ITPR3: variants seen among roughly 807,000 people sequenced by gnomAD.
ITPR3 encodes the protein inositol 1,4,5-trisphosphate-gated calcium channel ITPR3.
In ITPR3, 173 loss-of-function variants were observed where a neutral mutation model predicts 293.2. The ratio of observed to expected loss-of-function variants is 0.59; its 90% confidence interval spans 0.52 to 0.67. The LOEUF (loss-of-function observed/expected upper bound fraction) is 0.67, where lower values mean the gene tolerates loss of function less well. ITPR3 is among the 30% of genes least tolerant of loss of function. The probability of loss-of-function intolerance (pLI) is 0.00; values close to 1 mark genes in which losing one functional copy is unlikely to be tolerated. For missense variants in ITPR3, 2,796 were observed against 3,592.1 expected (o/e 0.78, Z 5.66); for synonymous variants, 1,295 against 1,444.4 (o/e 0.90, Z 2.35).
intron 1 of ITPR3, among the ~76,000 whole-genome samples, chr6:33,622,250 C>T (rs1481618083): frequency 1.3e-5 from 2 of 152,184 alleles, no homozygotes; most frequent in Admixed American, 1.3e-4. Flanking sequence ...GCCAGCTGCC[C>T]CTTCTCCCCG....
chr6:33,621,354 CGCGGGCCGG>C lies in ITPR3; in HGVS notation c.-243_-235del, dbSNP rs2151270911. On this transcript the variant is annotated 5_prime_UTR_variant, in exon 1 of 58. Transcript: ENST00000605930. This position sits in a 1 kb window ranked among gnomAD's most constrained non-coding sequence, Gnocchi z 7.7. ...CTGCTCCTTCTACGCTGCAGGTACG[CGCGGGCCGG>C]GCGGGGCGGGCGGGCGGCGGGCGCG... 4.5e-6 allele frequency: 1 copy of C among 221,312 alleles called. No homozygotes were observed. The highest frequency in any genetic ancestry group is 8.6e-6 in the Non-Finnish European group (1 of 116,612). The allele number at this position is 221,312 out of a possible 1,614,324, so 13.7% of individuals were successfully genotyped here. A position where few individuals can be genotyped will look rare whatever the true frequency, so the allele number is the denominator to read the frequency against.
At position 33,655,942 on chromosome 6, in the gene ITPR3, C is replaced by T; in HGVS notation, c.282+55C>T. The T allele has an allele frequency of 6.2e-7, 1 of 1,608,022 alleles. No individual in the cohort carries two copies. Among genetic ancestry groups the T allele is most frequent in the Non-Finnish European group, 8.5e-7 (1 of 1,176,156 alleles). ...TGCACATGTACCAGGAACCTGGGTA[C>T]ACAAGCAGCGGTGCTGCTTGTCGGA... On this transcript the variant is annotated intron_variant, in intron 3 of 57. Transcript: ENST00000605930. This position sits in a 1 kb window ranked among gnomAD's most constrained non-coding sequence, Gnocchi z 4.9.
rs1342342467 is a variant in ITPR3 at position 33,687,538 on chromosome 6, G to C, written c.6238G>C (p.Glu2080Gln). 1.2e-6 allele frequency: 2 copies of C among 1,612,062 alleles called. No individual in the cohort carries two copies. The highest frequency in any genetic ancestry group is 1.7e-6 in the Non-Finnish European group (2 of 1,179,268). ...LLKPVKRIQE[E>Q]EAEGISSMLS... ...GAAGCCGGTGAAGCGCATTCAAGAG[G>C]AGGAGGCCGAGGGTATCTCTTCCAT... Residue 2080 changes from glutamate to glutamine, a missense_variant, in exon 46 of 58, where the codon GAG (glutamate) becomes CAG (glutamine). Glu to Gln is a conservative substitution (Grantham distance 29, BLOSUM62 2). Transcript: ENST00000605930. The surrounding 1 kb of genome is among the most constrained non-coding windows in gnomAD (Gnocchi z 5.3).
rs1482448203 is a variant in ITPR3 at position 33,638,031 on chromosome 6, A to C, written c.90-2453A>C. On this transcript the variant is annotated intron_variant, in intron 1 of 57. Coordinates refer to ENST00000605930, the MANE Select transcript of ITPR3 (RefSeq NM_002224.4). The surrounding 1 kb of genome is among the most constrained non-coding windows in gnomAD (Gnocchi z 4.3). ...TTTTGTTTTGTTTTTGTTGAGATGA[A>C]GTCTTGCTCTTTCGCCCAGGCTGAA... Among the ~76,000 whole-genome samples, 1 of 149,688 alleles carries C rather than the reference A, an allele frequency of 6.7e-6. No homozygotes were observed. The highest frequency in any genetic ancestry group is 1.5e-5 in the Non-Finnish European group (1 of 67,522).
Position 33,659,498 on chromosome 6 carries a change from G to C in ITPR3, c.660G>C (p.Lys220Asn). The part of the protein sequence containing the change: ...VNSVNCNTSW[K>N]INLFMQFRDH... ...CTGTGAACTGCAACACCAGCTGGAA[G>C]ATCAACCTGTTTATGCAGTTTCGGG... The change falls in exon 7 of 58, where the codon AAG (lysine) becomes AAC (asparagine). Residue 220 changes from lysine (K) to asparagine (N), a missense_variant. Transcript: ENST00000605930. The C allele has an allele frequency of 6.2e-7, 1 of 1,614,158 alleles. No homozygotes were observed. Among genetic ancestry groups the C allele is most frequent in the Non-Finnish European group, 8.5e-7 (1 of 1,180,000 alleles).
In ITPR3 at chr6:33,682,145, G is replaced by C. The variant is rs1452526418; in HGVS notation, c.4477-379G>C. 6.6e-6 allele frequency among the ~76,000 whole-genome samples: 1 copy of C among 152,218 alleles called. No individual in the cohort carries two copies. The highest frequency in any genetic ancestry group is 1.5e-5 in the Non-Finnish European group (1 of 68,044). ...CATCCACCCACCTTGGCCTCCCAAA[G>C]TGCTGACATTACACGTGTGAGCCAC... On this transcript the variant is annotated intron_variant, in intron 33 of 57. Transcript: ENST00000605930. This position sits in a 1 kb window ranked among gnomAD's most constrained non-coding sequence, Gnocchi z 5.4.
Position 33,691,151 on chromosome 6 carries a change from G to A in ITPR3, c.7225+42G>A. 1 of 1,594,656 alleles carries A rather than the reference G, an allele frequency of 6.3e-7. No individual in the cohort carries two copies. Among genetic ancestry groups the A allele is most frequent in the Non-Finnish European group, 8.6e-7 (1 of 1,164,006 alleles). ...CTCCTGGGCAGGTTGTGGGGAATGA[G>A]GTTGGGTCTCACAAATGTCTGGCGT... is the stretch of plus-strand genomic sequence containing the variant. On this transcript the variant is annotated intron_variant, in intron 52 of 57. Transcript: ENST00000605930. This position sits in a 1 kb window ranked among gnomAD's most constrained non-coding sequence, Gnocchi z 4.9.
In ITPR3 at chr6:33,682,481, T is replaced by C; in HGVS notation, c.4477-43T>C. On this transcript the variant is annotated intron_variant, in intron 33 of 57. Transcript: ENST00000605930. The surrounding 1 kb of genome is among the most constrained non-coding windows in gnomAD (Gnocchi z 5.4). ...TTCCTGGACCTGGGGTTGCCCAGGGTGGGGGCCTGGGCTGCAGCAGCGGGC... is the reference window on the plus strand; with the variant it reads ...TTCCTGGACCTGGGGTTGCCCAGGGCGGGGGCCTGGGCTGCAGCAGCGGGC... 1 of 1,476,140 alleles carries C rather than the reference T, an allele frequency of 6.8e-7. No individual in the cohort carries two copies. The highest frequency in any genetic ancestry group is 9.0e-7 in the Non-Finnish European group (1 of 1,113,296). 91.4% of individuals were successfully genotyped at this position (1,476,140 alleles called of 1,614,324 possible).
At chr6:33,651,276 CAAAAAAAAAAAAAAAAAA>C (rs11284603) in intron 2 of ITPR3, among the ~76,000 whole-genome samples, 1 of 103,176 alleles carries the variant, frequency 9.7e-6, no homozygotes, top group African/African-American at 4.0e-5. Flanking sequence ...GACTCCGTCT[CAAAAAAAAAAAAAAAAAA>C]AGAAAAGTCT....
chr6:33,630,353 T>C (rs1205283271), intron 1 of ITPR3, among the ~76,000 whole-genome samples: 1 of 152,224 alleles, frequency 6.6e-6, no homozygotes, highest in East Asian at 1.9e-4. Flanking sequence ...TCTGCCCTGC[T>C]GAGGGTCCTA....
In ITPR3 at chr6:33,675,814, G is replaced by C; in HGVS notation, c.3240G>C (p.Lys1080Asn). The C allele has an allele frequency of 1.9e-6, 3 of 1,597,016 alleles. No homozygotes were observed. The highest frequency in any genetic ancestry group is 2.6e-6 in the Non-Finnish European group (3 of 1,172,164). ...LVSGALQLLF[K>N]HFSQRQEAMH... is the part of the protein sequence containing the mutation. The stretch of plus-strand genomic sequence containing the variant: ...CGGGTGCCCTGCAGCTGCTCTTCAA[G>C]CACTTCAGCCAGCGCCAGGAGGCCA... The change falls in exon 25 of 58, where the codon AAG (lysine) becomes AAC (asparagine). Residue 1080 changes from lysine (K) to asparagine (N), a missense_variant. Physicochemically the swap from Lys to Asn is moderately conservative, Grantham distance 94. Coordinates refer to ENST00000605930, the MANE Select transcript of ITPR3 (RefSeq NM_002224.4). This position sits in a 1 kb window ranked among gnomAD's most constrained non-coding sequence, Gnocchi z 5.0.
intron 1 of ITPR3, among the ~76,000 whole-genome samples, chr6:33,631,040 G>A (rs1042036772): frequency 2.0e-5 from 3 of 152,208 alleles, no homozygotes; most frequent in Admixed American, 6.5e-5. Flanking sequence ...GCTATCTGGA[G>A]AAAGGGCCCC....
chr6:33,631,978 A>C (rs1351972642), intron 1 of ITPR3, among the ~76,000 whole-genome samples: 18 of 152,166 alleles, frequency 1.2e-4, no homozygotes, highest in South Asian at 2.1e-4. Flanking sequence ...GTGATTGCTA[A>C]TTGTCCATGA....
chr6:33,684,163 G>A lies in ITPR3; in HGVS notation c.4932G>A (p.Leu1644=). The A allele has an allele frequency of 6.2e-7, 1 of 1,610,424 alleles. No individual in the cohort carries two copies. The highest frequency in any genetic ancestry group is 8.5e-7 in the Non-Finnish European group (1 of 1,179,734). ...AGCGCTGCGAGAGTGGGGGCTTCCT[G>A]TCCAAGTGAGCGAGACACTGGGGCA... ...AYQRCESGGF[L]SKLIQHTKDL... Residue 1644 remains leucine, a synonymous_variant, in exon 36 of 58, where the codon CTG becomes CTA. Coordinates refer to ENST00000605930, the MANE Select transcript of ITPR3 (RefSeq NM_002224.4). This position sits in a 1 kb window ranked among gnomAD's most constrained non-coding sequence, Gnocchi z 4.2.
chr6:33,652,642 T>G (rs879809477), intron 2 of ITPR3, among the ~76,000 whole-genome samples: 6 of 151,836 alleles, frequency 4.0e-5, no homozygotes, highest in Non-Finnish European at 8.8e-5. Context: ...ATTTTTGTAT[T>G]TTTAGTAGAG....
chr6:33,675,983 C>A lies in ITPR3; in HGVS notation c.3282+127C>A. 1 of 1,131,554 alleles carries A rather than the reference C, an allele frequency of 8.8e-7. No homozygotes were observed. Among genetic ancestry groups the A allele is most frequent in the Non-Finnish European group, 1.2e-6 (1 of 824,054 alleles). 70.1% of individuals were successfully genotyped at this position (1,131,554 alleles called of 1,614,324 possible). On this transcript the variant is annotated intron_variant, in intron 25 of 57. Coordinates refer to ENST00000605930, the MANE Select transcript of ITPR3 (RefSeq NM_002224.4). This position sits in a 1 kb window ranked among gnomAD's most constrained non-coding sequence, Gnocchi z 5.0. The stretch of plus-strand genomic sequence containing the variant: ...GGGATGCCCATTTGGGGTTTTCAGC[C>A]TTGCTGAGTTCCTAGGTGAAGACTG...
In ITPR3 at chr6:33,624,427, G is replaced by A. The variant is rs1739724160; in HGVS notation, c.89+2736G>A. On this transcript the variant is annotated intron_variant, in intron 1 of 57. Transcript: ENST00000605930. The surrounding 1 kb of genome is among the most constrained non-coding windows in gnomAD (Gnocchi z 4.7). Reference sequence around the variant, plus strand: ...AAGTAATCAGTCCAGCAGCTTCAGCGTCACCAGGAAGTTTGTCAGAAATGC... The same window carrying A: ...AAGTAATCAGTCCAGCAGCTTCAGCATCACCAGGAAGTTTGTCAGAAATGC... Among the ~76,000 whole-genome samples, 1 of 152,214 alleles carries A rather than the reference G, an allele frequency of 6.6e-6. No homozygotes were observed. Among genetic ancestry groups the A allele is most frequent in the South Asian group, 2.1e-4 (1 of 4,830 alleles).
intron 7 of ITPR3, 112 bp downstream of exon 7, chr6:33,659,661 C>T: frequency 1.2e-6 from 1 of 857,270 alleles, no homozygotes. Context: ...CTCTCCCCAG[C>T]TTTGCACCCC....
At chr6:33,690,894 C>G (rs753392556) in intron 51 of ITPR3, 23 bp from the exon 52 acceptor site, 7 of 1,609,468 alleles carry the variant, frequency 4.3e-6, no homozygotes, top group South Asian at 2.2e-5. Context: ...AGGTGCCATC[C>G]CTATCTCAAC....
Sources: gnomAD v4.1 joint callset for allele counts (sites outside exome capture counted in the v4.1 genomes callset) on GRCh38, gnomAD v4.1.1 for gene constraint, Gnocchi (gnomAD v3.1) non-coding constraint, MANE v1.5 for transcripts, NCBI Gene and HGNC (gene_info 2026-07-23, HGNC 2026-07-21) for gene names.